The following KCTD8 variants were observed in gnomAD, a reference collection of about 807,000 sequenced individuals.
KCTD8 encodes BTB/POZ domain-containing protein KCTD8.
KCTD8 carries 27 observed loss-of-function variants against 31.5 expected under a neutral mutation model. The ratio of observed to expected loss-of-function variants is 0.86; its 90% CI spans 0.63 to 1.18. KCTD8 has a LOEUF of 1.18. Ranked by LOEUF, KCTD8 falls within the 50% of genes most tolerant of loss-of-function variation. KCTD8 has a pLI of 0.00. For missense variants in KCTD8, 658 were observed against 647.7 expected, an observed-to-expected ratio of 1.02 and a Z score of -0.17; for synonymous variants, 290 against 280.0, an observed-to-expected ratio of 1.04 and a Z score of -0.36.
chr4:44,291,614 T>C (rs1193420740), intron 1 of KCTD8, among the ~76,000 whole-genome samples: 2 of 151,846 alleles, frequency 1.3e-5, no homozygotes, highest in Non-Finnish European at 2.9e-5. Flanking sequence ...AAAACAAAAA[T>C]TGACAAGTAA....
At chr4:44,217,592 G>A (rs1714685335) in intron 1 of KCTD8, among the ~76,000 whole-genome samples, 1 of 152,192 alleles carries the variant, frequency 6.6e-6, no homozygotes, top group African/African-American at 2.4e-5. Flanking sequence ...ATTTGAGTCA[G>A]TGGACTGCGG....
Position 44,447,764 on chromosome 4 carries a change from C to A in KCTD8, c.760G>T (p.Glu254Ter), listed in dbSNP as rs200013511. The change falls in exon 1 of 2, where the codon GAG becomes TAG. Residue 254 changes from glutamate to a stop codon, truncating the protein, a stop_gained. Transcript: ENST00000360029. LOFTEE classifies it high-confidence loss of function. The part of the protein sequence containing the change: ...AKEVFGDTLN[E>*]SRDPDRQPEK... ...GGCTGCCGGTCGGGGTCGCGGCTCT[C>A]GTTGAGCGTGTCCCCGAAGACCTCC... 1.2e-6 allele frequency: 2 copies of A among 1,611,610 alleles called. No individual in the cohort carries two copies. The highest frequency in any genetic ancestry group is 1.7e-5 in the Admixed American group (1 of 59,834).
chr4:44,386,308 AC>A (rs1720209277), intron 1 of KCTD8, among the ~76,000 whole-genome samples: 1 of 151,612 alleles, frequency 6.6e-6, no homozygotes, highest in South Asian at 2.1e-4. Flanking sequence ...GCATCCATCC[AC>A]AGACAAATGA....
At chr4:44,248,738 C>G (rs1715738554) in intron 1 of KCTD8, among the ~76,000 whole-genome samples, 1 of 151,796 alleles carries the variant, frequency 6.6e-6, no homozygotes, top group Non-Finnish European at 1.5e-5. Context: ...CCAAACAGTG[C>G]CCCTCAATGT....
At chr4:44,180,937 A>T (rs1713364033) in intron 1 of KCTD8, among the ~76,000 whole-genome samples, 1 of 152,174 alleles carries the variant, frequency 6.6e-6, no homozygotes, top group African/African-American at 2.4e-5. Context: ...AAATTCAATT[A>T]CTACTATGGT....
At chr4:44,223,531 G>C (rs935881477) in intron 1 of KCTD8, among the ~76,000 whole-genome samples, 6 of 152,052 alleles carry the variant, frequency 3.9e-5, no homozygotes, top group African/African-American at 1.4e-4. Context: ...AAAACTTATC[G>C]AATTGGTTAA....
At chr4:44,361,384 C>T (rs2109430467) in intron 1 of KCTD8, among the ~76,000 whole-genome samples, 1 of 152,092 alleles carries the variant, frequency 6.6e-6, no homozygotes, top group South Asian at 2.1e-4. Flanking sequence ...CAAAAGACCA[C>T]TCACTCAATA....
At chr4:44,425,314 G>A (rs1219283959) in intron 1 of KCTD8, among the ~76,000 whole-genome samples, 1 of 151,988 alleles carries the variant, frequency 6.6e-6, no homozygotes, top group Non-Finnish European at 1.5e-5. Context: ...ACCTGCATCT[G>A]AAAGAAAACA....
chr4:44,211,385 A>G (rs1383625895), intron 1 of KCTD8, among the ~76,000 whole-genome samples: 1 of 152,230 alleles, frequency 6.6e-6, no homozygotes, highest in Non-Finnish European at 1.5e-5. Context: ...GAACACATAT[A>G]TAATATCTGG....
intron 1 of KCTD8, among the ~76,000 whole-genome samples, chr4:44,445,179 T>C (rs1324948185): frequency 6.6e-6 from 1 of 151,992 alleles, no homozygotes; most frequent in African/African-American, 2.4e-5. Context: ...TTAAAATGAA[T>C]CCCATTCAAA....
chr4:44,355,898 T>A lies in KCTD8; in HGVS notation c.961+91665A>T, dbSNP rs117698021. Among the ~76,000 whole-genome samples, 80 of 151,814 alleles carry A rather than the reference T, an allele frequency of 5.3e-4. No individual in the cohort carries two copies. The East Asian group carries it at 0.016, about 29-fold the overall frequency. On this transcript the variant is annotated intron_variant, in intron 1 of 1. Transcript: ENST00000360029. ...ATGTTTAATACAGGAACTAAACTGC[T>A]AAGTATAATCATTAAAGTATATAAA...
chr4:44,446,337 CA>C (rs1721937039), intron 1 of KCTD8, among the ~76,000 whole-genome samples: 1 of 152,132 alleles, frequency 6.6e-6, no homozygotes, highest in Non-Finnish European at 1.5e-5. Context: ...GGTCTATTTC[CA>C]TCACAGGATT....
At chr4:44,212,935 T>C (rs962305119) in intron 1 of KCTD8, among the ~76,000 whole-genome samples, 5 of 151,960 alleles carry the variant, frequency 3.3e-5, no homozygotes, top group African/African-American at 1.2e-4. Flanking sequence ...TGTTTTTTTG[T>C]TTGTTTGTTT....
chr4:44,350,862 T>C (rs1379995830), intron 1 of KCTD8, among the ~76,000 whole-genome samples: 1 of 152,160 alleles, frequency 6.6e-6, no homozygotes, highest in Non-Finnish European at 1.5e-5. Flanking sequence ...TACTCTGTTC[T>C]TCATTTCTCC....
At chr4:44,178,305 T>C (rs1438853067) in intron 1 of KCTD8, among the ~76,000 whole-genome samples, 2 of 152,122 alleles carry the variant, frequency 1.3e-5, no homozygotes, top group Non-Finnish European at 2.9e-5. Flanking sequence ...GTCATATACA[T>C]CCCTAGAGGT....
In KCTD8 at chr4:44,174,651, A is replaced by G; in HGVS notation, c.*139T>C. Reference sequence around the variant, plus strand: ...AAGAACAACAACTAAAACATAAAAGAAAATACTGTCCCACATCCACTGTTC... The same window carrying G: ...AAGAACAACAACTAAAACATAAAAGGAAATACTGTCCCACATCCACTGTTC... On this transcript the variant is annotated 3_prime_UTR_variant, in exon 2 of 2. Transcript: ENST00000360029. 5.2e-6 allele frequency: 3 copies of G among 579,768 alleles called. No homozygotes were observed. The highest frequency in any genetic ancestry group is 5.7e-6 in the Non-Finnish European group (2 of 350,134). 35.9% of individuals were successfully genotyped at this position (579,768 alleles called of 1,614,324 possible).
At chr4:44,384,657 G>T (rs534630905) in intron 1 of KCTD8, among the ~76,000 whole-genome samples, 2 of 151,792 alleles carry the variant, frequency 1.3e-5, no homozygotes, top group South Asian at 2.1e-4. Context: ...ACTGGGAAAG[G>T]TTGGTTAATG....
chr4:44,272,880 C>A (rs1352946802), intron 1 of KCTD8, among the ~76,000 whole-genome samples: 2 of 151,994 alleles, frequency 1.3e-5, no homozygotes, highest in Non-Finnish European at 2.9e-5. Context: ...AACATAAATT[C>A]TTTTTCTCAA....
At chr4:44,361,745 G>A (rs963895125) in intron 1 of KCTD8, among the ~76,000 whole-genome samples, 4 of 151,934 alleles carry the variant, frequency 2.6e-5, no homozygotes, top group Non-Finnish European at 5.9e-5. Context: ...TGAAATAATA[G>A]GATAATTATG....
Sources: gnomAD v4.1 joint callset for allele counts (sites outside exome capture counted in the v4.1 genomes callset) on GRCh38, gnomAD v4.1.1 for gene constraint, MANE v1.5 for transcripts, NCBI Gene and HGNC (gene_info 2026-07-23, HGNC 2026-07-21) for gene names.